The following SLC18A3 variants were observed in gnomAD, a reference collection of about 807,000 sequenced individuals.
SLC18A3 encodes solute carrier family 18 member A3.
In SLC18A3, 18 loss-of-function variants were observed where a neutral mutation model predicts 24.2. The observed-to-expected ratio is 0.74, with a 90% confidence interval of 0.51 to 1.10. The LOEUF is 1.10. Among genes scored for constraint, SLC18A3 ranks in the 50% least tolerant of loss-of-function variants. The pLI is 0.00. For synonymous variants in SLC18A3, 415 were observed against 355.4 expected, an observed-to-expected ratio of 1.17 and a Z score of -1.89; for missense variants, 744 against 750.7, an observed-to-expected ratio of 0.99 and a Z score of 0.10.
At position 49,611,081 on chromosome 10, in the gene SLC18A3, G is replaced by T. The variant is rs1206682453; in HGVS notation, c.341G>T (p.Arg114Leu). The stretch of plus-strand genomic sequence containing the variant: ...CCAGCGGGCTCAGCCCTTCGGCCCC[G>T]CTACCCTACGGAGAGCGAAGACGTG... ...AWPAGSALRP[R>L]YPTESEDVKI... Residue 114 changes from arginine to leucine, a missense_variant, in exon 1 of 1, where the codon CGC becomes CTC. Arg to Leu is a moderately radical substitution (Grantham distance 102). Coordinates refer to ENST00000374115, the MANE Select transcript of SLC18A3 (RefSeq NM_003055.3). The T allele has an allele frequency of 6.2e-7, 1 of 1,614,038 alleles. No homozygotes were observed. The highest frequency in any genetic ancestry group is 1.1e-5 in the South Asian group (1 of 91,080).
Position 49,612,269 on chromosome 10 carries a change from A to G in SLC18A3, c.1529A>G (p.Glu510Gly). The G allele has an allele frequency of 6.2e-7, 1 of 1,610,834 alleles. No individual in the cohort carries two copies. Among genetic ancestry groups the G allele is most frequent in the Non-Finnish European group, 8.5e-7 (1 of 1,179,844 alleles). Residue 510 changes from glutamate (E) to glycine (G), a missense_variant, in exon 1 of 1, where the codon GAG (glutamate) becomes GGG (glycine). By Grantham distance (98) the Glu-to-Gly change is moderately conservative. Transcript: ENST00000374115. ...CGTCCTGTGTCTGGCCAGGACGGCG[A>G]GCCTCGCAGCCCGCCTGGCCCTTTT... The part of the protein sequence containing the change: ...RERPVSGQDG[E>G]PRSPPGPFDA...
At position 49,611,685 on chromosome 10, in the gene SLC18A3, G is replaced by A. The variant is rs1554800734; in HGVS notation, c.945G>A (p.Trp315Ter). The change falls in exon 1 of 1, where the codon TGG (tryptophan) becomes TGA (stop). Residue 315 changes from tryptophan to a stop codon, truncating the protein, a stop_gained. Coordinates refer to ENST00000374115, the MANE Select transcript of SLC18A3 (RefSeq NM_003055.3). LOFTEE classifies it high-confidence loss of function. Reference protein sequence around the residue: ...LAFLEPTIATWMKHTMAASEW... With the variant: ...LAFLEPTIAT ...TCCTCGAACCCACCATTGCCACGTGGATGAAGCATACGATGGCGGCTTCCG... is the reference window on the plus strand; with the variant it reads ...TCCTCGAACCCACCATTGCCACGTGAATGAAGCATACGATGGCGGCTTCCG... 2.5e-6 allele frequency: 4 copies of A among 1,610,580 alleles called. No homozygotes were observed. The highest frequency in any genetic ancestry group is 3.4e-6 in the Non-Finnish European group (4 of 1,179,962).
chr10:49,610,979 C>G lies in SLC18A3; in HGVS notation c.239C>G (p.Pro80Arg), dbSNP rs778513207. The change falls in exon 1 of 1, where the codon CCC becomes CGC. Residue 80 changes from proline (P) to arginine (R), a missense_variant. Pro to Arg is a moderately radical substitution (Grantham distance 103). Around this residue, in one of 3 missense-constraint regions of SLC18A3, gnomAD observed 566 missense variants for 566.2 expected, o/e 1.00. Coordinates refer to ENST00000374115, the MANE Select transcript of SLC18A3 (RefSeq NM_003055.3). ...GPTRTPEVWE[P>R]TLPLPTPANA... ...ACCCGGACTCCCGAGGTGTGGGAGC[C>G]CACCCTGCCGCTGCCCACTCCGGCC... 5.6e-6 allele frequency: 9 copies of G among 1,611,566 alleles called. No individual in the cohort carries two copies. In the East Asian group the frequency reaches 1.1e-4, roughly 20 times the overall value.
In SLC18A3 at chr10:49,610,685, G is replaced by A; in HGVS notation, c.-56G>A. The A allele has an allele frequency of 2.1e-6, 3 of 1,440,492 alleles. No homozygotes were observed. The highest frequency in any genetic ancestry group is 2.8e-5 in the Admixed American group (1 of 35,146). 89.2% of individuals were successfully genotyped at this position (1,440,492 alleles called of 1,614,324 possible). ...CCGTGCCCTCGCCTCTGCACTGCGG[G>A]ACGCCAGCGCTCGGCCCTGGCGGAG... On this transcript the variant is annotated 5_prime_UTR_variant, in exon 1 of 1. Transcript: ENST00000374115.
chr10:49,611,369 G>C lies in SLC18A3; in HGVS notation c.629G>C (p.Arg210Pro), dbSNP rs768936233. The C allele has an allele frequency of 6.3e-7, 1 of 1,599,954 alleles. No individual in the cohort carries two copies. Among genetic ancestry groups the C allele is most frequent in the South Asian group, 1.1e-5 (1 of 90,992 alleles). Residue 210 changes from arginine (R) to proline (P), a missense_variant, in exon 1 of 1, where the codon CGC becomes CCC. This residue lies in a region of SLC18A3 where 566 missense variants were observed against 566.2 expected (regional missense o/e 1.00). Transcript: ENST00000374115. ...IADKYPEEPE[R>P]SRALGVALAF... is the part of the protein sequence containing the mutation. ...GATAAGTACCCGGAGGAGCCGGAGC[G>C]CAGTCGTGCACTGGGCGTGGCGCTG...
chr10:49,611,455 G>A lies in SLC18A3; in HGVS notation c.715G>A (p.Ala239Thr). 6.3e-7 allele frequency: 1 copy of A among 1,598,426 alleles called. No individual in the cohort carries two copies. The highest frequency in any genetic ancestry group is 8.5e-7 in the Non-Finnish European group (1 of 1,179,368). ...CTTCGGGGGCATCCTCTATGAGTTC[G>A]CCGGCAAGCGCGTGCCCTTCTTGGT... is the stretch of plus-strand genomic sequence containing the variant. ...PPFGGILYEF[A>T]GKRVPFLVLA... The change falls in exon 1 of 1, where the codon GCC becomes ACC. Residue 239 changes from alanine (A) to threonine (T), a missense_variant. By Grantham distance (58) the Ala-to-Thr change is moderately conservative. This residue lies in a region of SLC18A3 where 566 missense variants were observed against 566.2 expected (regional missense o/e 1.00). Coordinates refer to ENST00000374115, the MANE Select transcript of SLC18A3 (RefSeq NM_003055.3).
rs202245540 is a variant in SLC18A3, at chr10:49,612,009, C to G, written c.1269C>G (p.Ile423Met). The G allele has an allele frequency of 6.2e-6, 10 of 1,613,768 alleles. No homozygotes were observed. In the East Asian group the frequency reaches 2.0e-4, roughly 32 times the overall value. ...HVSVYGSVYAIADISYSVAYA... is the reference protein window; with the variant it reads ...HVSVYGSVYAMADISYSVAYA... ...CAGTCTATGGCAGCGTCTACGCCAT[C>G]GCCGACATCTCCTATTCGGTGGCCT... is the stretch of plus-strand genomic sequence containing the variant. The change falls in exon 1 of 1, where the codon ATC becomes ATG. Residue 423 changes from isoleucine (I) to methionine (M), a missense_variant. By Grantham distance (10) the Ile-to-Met change is conservative. Around this residue, in one of 3 missense-constraint regions of SLC18A3, gnomAD observed 18 missense variants for 43.6 expected, o/e 0.41. Coordinates refer to ENST00000374115, the MANE Select transcript of SLC18A3 (RefSeq NM_003055.3).
Position 49,611,458 on chromosome 10 carries a change from G to A in SLC18A3, c.718G>A (p.Gly240Ser), listed in dbSNP as rs913848936. ...PFGGILYEFA[G>S]KRVPFLVLAA... ...CGGGGGCATCCTCTATGAGTTCGCC[G>A]GCAAGCGCGTGCCCTTCTTGGTGCT... The change falls in exon 1 of 1, where the codon GGC becomes AGC. Residue 240 changes from glycine (G) to serine (S), a missense_variant. Gly to Ser is a moderately conservative substitution (Grantham distance 56, BLOSUM62 0). Coordinates refer to ENST00000374115, the MANE Select transcript of SLC18A3 (RefSeq NM_003055.3). 5.0e-6 allele frequency: 8 copies of A among 1,598,436 alleles called. No individual in the cohort carries two copies. The highest frequency in any genetic ancestry group is 4.0e-5 in the African/African-American group (3 of 74,890).
chr10:49,612,564 C>T lies in SLC18A3; in HGVS notation c.*225C>T. On this transcript the variant is annotated 3_prime_UTR_variant, in exon 1 of 1. Coordinates refer to ENST00000374115, the MANE Select transcript of SLC18A3 (RefSeq NM_003055.3). Reference sequence around the variant, plus strand: ...CCGAGGCCAGCGAAGCCATCGCGCTCCTTGCGGAGGTGAAGAGGACCCTGA... The same window carrying T: ...CCGAGGCCAGCGAAGCCATCGCGCTTCTTGCGGAGGTGAAGAGGACCCTGA... The T allele has an allele frequency of 1.8e-6, 1 of 547,378 alleles. No individual in the cohort carries two copies. The highest frequency in any genetic ancestry group is 3.0e-5 in the East Asian group (1 of 32,902). 33.9% of individuals were successfully genotyped at this position (547,378 alleles called of 1,614,324 possible).
Position 49,611,779 on chromosome 10 carries a change from C to T in SLC18A3, c.1039C>T (p.Arg347Cys). The change falls in exon 1 of 1, where the codon CGC becomes TGC. Residue 347 changes from arginine (R) to cysteine (C), a missense_variant. By Grantham distance (180) the Arg-to-Cys change is radical (BLOSUM62 -3). Coordinates refer to ENST00000374115, the MANE Select transcript of SLC18A3 (RefSeq NM_003055.3). Reference protein sequence around the residue: ...PHVLGVYLTVRLAARYPHLQW... With the variant: ...PHVLGVYLTVCLAARYPHLQW... ...TGTGCTGGGCGTCTACCTCACCGTGCGCCTGGCGGCGCGCTACCCACACCT... is the reference window on the plus strand; with the variant it reads ...TGTGCTGGGCGTCTACCTCACCGTGTGCCTGGCGGCGCGCTACCCACACCT... 1 of 1,602,870 alleles carries T rather than the reference C, an allele frequency of 6.2e-7. No individual in the cohort carries two copies. Among genetic ancestry groups the T allele is most frequent in the Non-Finnish European group, 8.5e-7 (1 of 1,179,860 alleles).
rs753381495 is a variant in SLC18A3 at position 49,611,889 on chromosome 10, A to G, written c.1149A>G (p.Leu383=). 1.9e-6 allele frequency: 3 copies of G among 1,610,772 alleles called. No individual in the cohort carries two copies. The East Asian group carries it at 6.7e-5, about 36-fold the overall frequency. Residue 383 remains leucine, a synonymous_variant, in exon 1 of 1, where the codon CTA becomes CTG. Coordinates refer to ENST00000374115, the MANE Select transcript of SLC18A3 (RefSeq NM_003055.3). ...IVPACRSFAP[L]VVSLCGLCFG... ...CCGCCTGCCGCTCCTTCGCGCCGCT[A>G]GTGGTCTCACTATGCGGCCTCTGTT...
rs200094927 is a variant in SLC18A3, at chr10:49,611,664, C to A, written c.924C>A (p.Leu308=). ...CCTGTAACATTCCCCTCGCCTTCCT[C>A]GAACCCACCATTGCCACGTGGATGA... ...LTTCNIPLAF[L]EPTIATWMKH... Residue 308 remains leucine (L), a synonymous_variant, in exon 1 of 1, where the codon CTC becomes CTA. Coordinates refer to ENST00000374115, the MANE Select transcript of SLC18A3 (RefSeq NM_003055.3). The A allele has an allele frequency of 7.8e-5, 126 of 1,611,718 alleles. No homozygotes were observed. The Middle Eastern group carries it at 9.9e-4, about 13-fold the overall frequency.
In SLC18A3 at chr10:49,611,505, C is replaced by T. The variant is rs1439296510; in HGVS notation, c.765C>T (p.Asp255=). The change falls in exon 1 of 1, where the codon GAC becomes GAT. Residue 255 remains aspartate (D), a synonymous_variant. Coordinates refer to ENST00000374115, the MANE Select transcript of SLC18A3 (RefSeq NM_003055.3). ...FLVLAAVSLF[D]ALLLLAVAKP... ...TGCTAGCTGCCGTGTCGCTCTTTGA[C>T]GCGCTGTTGCTGCTGGCAGTGGCCA... 8.7e-6 allele frequency: 14 copies of T among 1,600,896 alleles called. No individual in the cohort carries two copies. The South Asian group carries it at 1.2e-4, about 14-fold the overall frequency.
chr10:49,612,434 T>C lies in SLC18A3; in HGVS notation c.*95T>C. ...CAGCTCTGGCTCAGGGCCCACCTCCTCCAGCGAGTACCCCAGCCACTCCTC... is the reference window on the plus strand; with the variant it reads ...CAGCTCTGGCTCAGGGCCCACCTCCCCCAGCGAGTACCCCAGCCACTCCTC... On this transcript the variant is annotated 3_prime_UTR_variant, in exon 1 of 1. Transcript: ENST00000374115. 8.1e-7 allele frequency: 1 copy of C among 1,235,560 alleles called. No individual in the cohort carries two copies. Among genetic ancestry groups the C allele is most frequent in the Non-Finnish European group, 1.1e-6 (1 of 882,024 alleles). 76.5% of individuals were successfully genotyped at this position (1,235,560 alleles called of 1,614,324 possible).
chr10:49,611,037 G>T lies in SLC18A3; in HGVS notation c.297G>T (p.Ala99=). 6.2e-7 allele frequency: 1 copy of T among 1,613,960 alleles called. No individual in the cohort carries two copies. Among genetic ancestry groups the T allele is most frequent in the Non-Finnish European group, 8.5e-7 (1 of 1,179,950 alleles). Residue 99 remains alanine (A), a synonymous_variant, in exon 1 of 1, where the codon GCG becomes GCT. Transcript: ENST00000374115. ...NASAYTANTS[A]SPTAAWPAGS... ...GCGCCTACACGGCCAACACCTCGGCGTCCCCGACAGCTGCGTGGCCAGCGG... is the reference window on the plus strand; with the variant it reads ...GCGCCTACACGGCCAACACCTCGGCTTCCCCGACAGCTGCGTGGCCAGCGG...
rs969918083 is a variant in SLC18A3 at position 49,610,678 on chromosome 10, A to G, written c.-63A>G. 18 of 1,435,256 alleles carry G rather than the reference A, an allele frequency of 1.3e-5. No individual in the cohort carries two copies. In the African/African-American group the frequency reaches 2.3e-4, roughly 19 times the overall value. 88.9% of individuals were successfully genotyped at this position (1,435,256 alleles called of 1,614,324 possible). A position where few individuals can be genotyped will look rare whatever the true frequency, so the allele number is the denominator to read the frequency against. Reference sequence around the variant, plus strand: ...CGAAGTCCCGTGCCCTCGCCTCTGCACTGCGGGACGCCAGCGCTCGGCCCT... The same window carrying G: ...CGAAGTCCCGTGCCCTCGCCTCTGCGCTGCGGGACGCCAGCGCTCGGCCCT... On this transcript the variant is annotated 5_prime_UTR_variant, in exon 1 of 1. Coordinates refer to ENST00000374115, the MANE Select transcript of SLC18A3 (RefSeq NM_003055.3).
At position 49,612,496 on chromosome 10, in the gene SLC18A3, C is replaced by T; in HGVS notation, c.*157C>T. ...CTGCCCAAATCCCCTCCCTGTGACC[C>T]GTTCCATATCCCTTTCTCTCTTGTC... On this transcript the variant is annotated 3_prime_UTR_variant, in exon 1 of 1. Coordinates refer to ENST00000374115, the MANE Select transcript of SLC18A3 (RefSeq NM_003055.3). The T allele has an allele frequency of 1.4e-6, 1 of 701,668 alleles. No homozygotes were observed. Among genetic ancestry groups the T allele is most frequent in the Non-Finnish European group, 2.4e-6 (1 of 417,606 alleles). The allele number at this position is 701,668 out of a possible 1,614,324, so 43.5% of individuals were successfully genotyped here. A position where few individuals can be genotyped will look rare whatever the true frequency, so the allele number is the denominator to read the frequency against.
chr10:49,611,628 C>G lies in SLC18A3; in HGVS notation c.888C>G (p.Gly296=), dbSNP rs777967155. The G allele has an allele frequency of 1.2e-6, 2 of 1,611,564 alleles. No homozygotes were observed. The highest frequency in any genetic ancestry group is 2.2e-5 in the South Asian group (2 of 91,086). ...ACCCCTACATTGCCGTGGTGGCCGG[C>G]GCGCTCACCACCTGTAACATTCCCC... ...MLDPYIAVVA[G]ALTTCNIPLA... is the part of the protein sequence containing the mutation. The change falls in exon 1 of 1, where the codon GGC becomes GGG. Residue 296 remains glycine (G), a synonymous_variant. Coordinates refer to ENST00000374115, the MANE Select transcript of SLC18A3 (RefSeq NM_003055.3).
Position 49,611,971 on chromosome 10 carries a change from G to T in SLC18A3, c.1231G>T (p.Val411Leu). 2.5e-6 allele frequency: 4 copies of T among 1,613,182 alleles called. No individual in the cohort carries two copies. The highest frequency in any genetic ancestry group is 3.4e-6 in the Non-Finnish European group (4 of 1,179,620). ...LLPTLAFLVD[V>L]RHVSVYGSVY... Reference sequence around the variant, plus strand: ...GCCCACGCTCGCCTTCCTGGTGGACGTGCGCCATGTCTCAGTCTATGGCAG... The same window carrying T: ...GCCCACGCTCGCCTTCCTGGTGGACTTGCGCCATGTCTCAGTCTATGGCAG... The change falls in exon 1 of 1, where the codon GTG (valine) becomes TTG (leucine). Residue 411 changes from valine to leucine, a missense_variant. By Grantham distance (32) the Val-to-Leu change is conservative. Around this residue, in one of 3 missense-constraint regions of SLC18A3, gnomAD observed 18 missense variants for 43.6 expected, o/e 0.41. Transcript: ENST00000374115.
Sources: gnomAD v4.1 joint callset for allele counts on GRCh38, gnomAD v4.1.1 for gene constraint, gnomAD v4.1.1 regional missense constraint, MANE v1.5 for transcripts, NCBI Gene and HGNC (gene_info 2026-07-23, HGNC 2026-07-21) for gene names.